The following RNF130 variants were observed in gnomAD, a reference collection of about 807,000 sequenced individuals.
RNF130 encodes the protein E3 ubiquitin-protein ligase RNF130.
In RNF130, 21 loss-of-function variants were observed where a neutral mutation model predicts 44.6. The observed-to-expected ratio is 0.47, with a 90% CI of 0.33 to 0.68. RNF130 has a LOEUF of 0.68. RNF130 is among the 30% of genes least tolerant of loss of function. The pLI, the probability that RNF130 is intolerant of heterozygous loss-of-function variation, is 0.02. For synonymous variants in RNF130, 214 were observed against 210.4 expected, an observed-to-expected ratio of 1.02 and a Z score of -0.15; for missense variants, 479 against 560.6, an observed-to-expected ratio of 0.85 and a Z score of 1.47.
intron 2 of RNF130, among the ~76,000 whole-genome samples, chr5:180,040,211 A>G (rs1320259963): frequency 6.6e-6 from 1 of 152,178 alleles, no homozygotes; most frequent in African/African-American, 2.4e-5. Context: ...ATGCAAAACA[A>G]CTAAGGATTT....
chr5:179,976,150 A>G (rs993254980), intron 5 of RNF130, among the ~76,000 whole-genome samples: 1 of 152,140 alleles, frequency 6.6e-6, no homozygotes, highest in Non-Finnish European at 1.5e-5. Flanking sequence ...TGAGACCCCA[A>G]CTCTACAAAA....
In RNF130 at chr5:180,071,687, G is replaced by T; in HGVS notation, c.16C>A (p.Arg6=). 1 of 1,383,538 alleles carries T rather than the reference G, an allele frequency of 7.2e-7. No homozygotes were observed. The highest frequency in any genetic ancestry group is 9.4e-7 in the Non-Finnish European group (1 of 1,063,894). The allele number at this position is 1,383,538 out of a possible 1,614,324, so 85.7% of individuals were successfully genotyped here. A position where few individuals can be genotyped will look rare whatever the true frequency, so the allele number is the denominator to read the frequency against. Residue 6 remains arginine (R), a synonymous_variant, in exon 1 of 9, where the codon CGG becomes AGG. Coordinates refer to ENST00000521389, the MANE Select transcript of RNF130 (RefSeq NM_018434.6). MSCAG[R]AGPARLAALA... ...GCGGCGAGCCGGGCAGGGCCCGCCC[G>T]CCCCGCGCAGCTCATCGTCCCTCCG...
chr5:180,065,616 T>G (rs1438670450), intron 1 of RNF130, among the ~76,000 whole-genome samples: 1 of 152,022 alleles, frequency 6.6e-6, no homozygotes, highest in Non-Finnish European at 1.5e-5. Context: ...AAAAATTAGC[T>G]GGGTGTGGTG....
At chr5:179,974,547 T>C (rs1201660680) in intron 5 of RNF130, among the ~76,000 whole-genome samples, 1 of 152,182 alleles carries the variant, frequency 6.6e-6, no homozygotes, top group African/African-American at 2.4e-5. Context: ...CATGAGCGGC[T>C]TGACAGCTCT....
intron 3 of RNF130, among the ~76,000 whole-genome samples, chr5:179,992,375 C>T (rs1229752233): frequency 6.6e-6 from 1 of 152,192 alleles, no homozygotes; most frequent in Non-Finnish European, 1.5e-5. Flanking sequence ...ATCTCCTGAC[C>T]TCGTGATCCA....
chr5:179,986,400 A>T (rs1361123978), intron 3 of RNF130, among the ~76,000 whole-genome samples: 2 of 152,260 alleles, frequency 1.3e-5, no homozygotes, highest in Non-Finnish European at 2.9e-5. Flanking sequence ...TTCCAGCAGC[A>T]CTATGGCACT....
At chr5:179,987,608 T>G (rs1446487410) in intron 3 of RNF130, among the ~76,000 whole-genome samples, 4 of 152,248 alleles carry the variant, frequency 2.6e-5, no homozygotes, top group Admixed American at 2.6e-4. Flanking sequence ...CTAATCAATA[T>G]GATGTTAGCT....
At chr5:180,029,832 T>G (rs972595745) in intron 2 of RNF130, among the ~76,000 whole-genome samples, 3 of 147,610 alleles carry the variant, frequency 2.0e-5, no homozygotes, top group Non-Finnish European at 4.4e-5. Flanking sequence ...TGGGTCACCA[T>G]GCCTGGCCAC....
intron 2 of RNF130, 110 bp downstream of exon 2, chr5:180,040,342 TA>T: frequency 9.9e-7 from 1 of 1,010,950 alleles, no homozygotes; most frequent in Non-Finnish European, 1.5e-6. Context: ...ATGGCAATAC[TA>T]ATAGGATTAT....
intron 1 of RNF130, among the ~76,000 whole-genome samples, chr5:180,044,346 A>AT (rs550997923): frequency 4.6e-5 from 7 of 150,788 alleles, no homozygotes; most frequent in South Asian, 2.1e-4. Context: ...ACAGAACTTA[A>AT]TTTTTTTTTT....
At chr5:179,975,921 G>A (rs1161711977) in intron 5 of RNF130, among the ~76,000 whole-genome samples, 1 of 152,134 alleles carries the variant, frequency 6.6e-6, no homozygotes. Context: ...CACGAGAATC[G>A]GGCGGGAACT....
At chr5:180,007,524 T>C (rs1325380771) in intron 3 of RNF130, among the ~76,000 whole-genome samples, 1 of 152,234 alleles carries the variant, frequency 6.6e-6, no homozygotes, top group Non-Finnish European at 1.5e-5. Context: ...CCAGTCTAGC[T>C]GCTGCCACCT....
chr5:180,039,889 T>C (rs1261097548), intron 2 of RNF130, among the ~76,000 whole-genome samples: 1 of 152,160 alleles, frequency 6.6e-6, no homozygotes, highest in African/African-American at 2.4e-5. Context: ...TCATGCATGG[T>C]TATTGTAAAG....
intron 2 of RNF130, chr5:180,015,497 G>A (rs1267965463): frequency 6.6e-6 from 2 of 302,804 alleles, no homozygotes; most frequent in Non-Finnish European, 1.5e-5. Flanking sequence ...AGTAGGAAAG[G>A]AGTAGGGAAA....
At chr5:180,057,657 C>T (rs139824246) in intron 1 of RNF130, among the ~76,000 whole-genome samples, 223 of 152,296 alleles carry the variant, frequency 1.5e-3, no homozygotes, top group African/African-American at 5.0e-3. Context: ...ATTACACCCC[C>T]GCAATACCGC....
chr5:179,938,648 A>G (rs1761931544), intron 7 of RNF130, among the ~76,000 whole-genome samples: 1 of 152,174 alleles, frequency 6.6e-6, no homozygotes, highest in Non-Finnish European at 1.5e-5. Context: ...GCTTAACATT[A>G]TATATTTAAA....
chr5:179,990,240 T>C (rs1268744678), intron 3 of RNF130, among the ~76,000 whole-genome samples: 1 of 152,178 alleles, frequency 6.6e-6, no homozygotes, highest in Non-Finnish European at 1.5e-5. Context: ...TTGAGTCACC[T>C]CCAGTGACTG....
At chr5:179,937,575 C>A (rs557683645) in intron 7 of RNF130, among the ~76,000 whole-genome samples, 124 of 152,088 alleles carry the variant, frequency 8.2e-4, no homozygotes, top group Non-Finnish European at 1.4e-3. Context: ...AAGGAGGTAG[C>A]AAATCAGAAC....
exon 8 of RNF130, chr5:179,920,338 C>T: frequency 1.4e-6 from 1 of 702,276 alleles, no homozygotes; most frequent in South Asian, 1.5e-5. Flanking sequence ...TCTCATCATA[C>T]ATGTCCAAAG....
Sources: allele counts gnomAD v4.1 joint callset (sites outside exome capture counted in the v4.1 genomes callset), GRCh38; gene constraint gnomAD v4.1.1; transcripts MANE v1.5; gene names NCBI Gene and HGNC (gene_info 2026-07-23, HGNC 2026-07-21).